The following DLGAP2 variants were observed in gnomAD, a reference collection of about 807,000 sequenced individuals.
DLGAP2 encodes the protein disks large-associated protein 2.
A neutral mutation model predicts 100.3 loss-of-function variants in DLGAP2; 26 were observed. The ratio of observed to expected loss-of-function variants is 0.26; its 90% CI spans 0.19 to 0.36. The LOEUF (loss-of-function observed/expected upper bound fraction) is 0.36. Ranked by LOEUF, DLGAP2 falls within the 10% of genes least tolerant of loss-of-function variation. The pLI is 1.00. For missense variants in DLGAP2, 1,858 were observed against 1,453.2 expected (o/e 1.28, Z -4.53); for synonymous variants, 886 against 630.1 (o/e 1.41, Z -6.08).
chr8:1,030,439 T>C (rs964832761), intron 2 of DLGAP2, among the ~76,000 whole-genome samples: 2 of 152,174 alleles, frequency 1.3e-5, no homozygotes, highest in East Asian at 3.8e-4. Flanking sequence ...AATCCAAAGG[T>C]GCCTGGGCTG....
At chr8:1,575,021 A>G (rs1428735657) in intron 6 of DLGAP2, among the ~76,000 whole-genome samples, 1 of 151,406 alleles carries the variant, frequency 6.6e-6, no homozygotes, top group African/African-American at 2.5e-5. Flanking sequence ...AGGGACAGAG[A>G]GAGGCAAGCG....
Position 928,965 on chromosome 8 carries a change from A to G in DLGAP2, c.73+20999A>G, listed in dbSNP as rs867566764. 3.0e-3 allele frequency among the ~76,000 whole-genome samples: 361 copies of G among 118,900 alleles called. 4 individuals are homozygous for G. The highest frequency in any genetic ancestry group is 0.011 in the African/African-American group (346 of 31,108). The allele number at this position is 118,900 out of a possible 152,430, so 78.0% of individuals were successfully genotyped here. A position where few individuals can be genotyped will look rare whatever the true frequency, so the allele number is the denominator to read the frequency against. On this transcript the variant is annotated intron_variant, in intron 2 of 14. Transcript: ENST00000637795. ...TCAAGGTTTCTCTGGAAAGATGAAG[A>G]CCCCCCCCGCCATTCCCACTCTAAA...
intron 2 of DLGAP2, among the ~76,000 whole-genome samples, chr8:930,576 C>A (rs1798932060): frequency 6.6e-6 from 1 of 152,222 alleles, no homozygotes. Flanking sequence ...GTGGAGGAAA[C>A]CTGCAAAGAC....
At chr8:1,446,878 A>G (rs1194881777) in intron 3 of DLGAP2, among the ~76,000 whole-genome samples, 1 of 152,128 alleles carries the variant, frequency 6.6e-6, no homozygotes, top group Admixed American at 6.6e-5. Flanking sequence ...TTCACTCATG[A>G]TTTGGCTCTC....
intron 12 of DLGAP2, among the ~76,000 whole-genome samples, chr8:1,681,971 G>C (rs1156582528): frequency 7.1e-6 from 1 of 140,712 alleles, no homozygotes; most frequent in African/African-American, 3.2e-5. Context: ...GGGACTGGGA[G>C]TCACGGCCCT....
intron 2 of DLGAP2, among the ~76,000 whole-genome samples, chr8:946,791 C>T (rs1004709349): frequency 3.3e-4 from 50 of 152,336 alleles, no homozygotes; most frequent in African/African-American, 1.1e-3. Flanking sequence ...GAGCCCTTCT[C>T]ATTACAAAAG....
At chr8:861,590 A>G (rs796683373) in intron 1 of DLGAP2, among the ~76,000 whole-genome samples, 14 of 152,368 alleles carry the variant, frequency 9.2e-5, no homozygotes, top group African/African-American at 3.1e-4. Context: ...TTTTATTTTA[A>G]CAGCGCTTTT....
chr8:953,496 T>A (rs1799529847), intron 2 of DLGAP2, among the ~76,000 whole-genome samples: 1 of 152,346 alleles, frequency 6.6e-6, no homozygotes, highest in East Asian at 1.9e-4. Flanking sequence ...CTGGCCCAAA[T>A]TTTTAAATTT....
chr8:1,468,418 TG>T (rs1470721855), intron 3 of DLGAP2, among the ~76,000 whole-genome samples: 10 of 150,884 alleles, frequency 6.6e-5, no homozygotes, highest in Non-Finnish European at 1.2e-4. Flanking sequence ...GGATCCGGGC[TG>T]GTCCTGAGTC....
At chr8:849,219 G>C (rs968229695) in intron 1 of DLGAP2, among the ~76,000 whole-genome samples, 9 of 152,152 alleles carry the variant, frequency 5.9e-5, no homozygotes, top group African/African-American at 2.2e-4. Context: ...ATAGGAACAC[G>C]TGGTGTGTGT....
intron 3 of DLGAP2, among the ~76,000 whole-genome samples, chr8:1,489,341 G>A (rs1799312182): frequency 1.3e-5 from 2 of 152,202 alleles, no homozygotes; most frequent in Admixed American, 1.3e-4. Flanking sequence ...ACCGGTGACT[G>A]GCGGAGTGGA....
intron 1 of DLGAP2, among the ~76,000 whole-genome samples, chr8:777,398 G>A (rs1327014717): frequency 6.6e-6 from 1 of 151,768 alleles, no homozygotes; most frequent in Non-Finnish European, 1.5e-5. Context: ...TCATCATGAT[G>A]TTAGCTGTTT....
At chr8:896,664 G>A (rs1160564484) in intron 1 of DLGAP2, among the ~76,000 whole-genome samples, 2 of 152,098 alleles carry the variant, frequency 1.3e-5, no homozygotes, top group Non-Finnish European at 2.9e-5. Context: ...AAGAGACCAA[G>A]TACTGTCTTC....
At chr8:1,216,437 C>A (rs1460172655) in intron 2 of DLGAP2, among the ~76,000 whole-genome samples, 1 of 151,930 alleles carries the variant, frequency 6.6e-6, no homozygotes, top group East Asian at 1.9e-4. Context: ...TAGCCTTGAA[C>A]TCCTGGGCTC....
intron 2 of DLGAP2, among the ~76,000 whole-genome samples, chr8:999,693 A>C (rs762397882): frequency 1.3e-5 from 2 of 151,930 alleles, no homozygotes; most frequent in African/African-American, 4.8e-5. Context: ...GTTTGCCAGG[A>C]TGGTCTCAAT....
chr8:1,177,203 G>A (rs1797279156), intron 2 of DLGAP2, among the ~76,000 whole-genome samples: 1 of 152,126 alleles, frequency 6.6e-6, no homozygotes, highest in Admixed American at 6.5e-5. Context: ...ATCTTTTCTT[G>A]CAGTTCAGCT....
intron 3 of DLGAP2, among the ~76,000 whole-genome samples, chr8:1,287,190 A>C (rs1158810836): frequency 1.0e-5 from 1 of 97,938 alleles, no homozygotes; most frequent in East Asian, 3.0e-4. Context: ...TAGGAGGGGA[A>C]CTAGTTTTGG....
intron 1 of DLGAP2, among the ~76,000 whole-genome samples, chr8:791,509 T>C (rs574618517): frequency 6.6e-6 from 1 of 152,242 alleles, no homozygotes; most frequent in Non-Finnish European, 1.5e-5. Context: ...CTAATAAGTC[T>C]CTGGTGTCTC....
intron 1 of DLGAP2, among the ~76,000 whole-genome samples, chr8:901,000 G>C (rs983382414): frequency 5.3e-5 from 8 of 152,230 alleles, no homozygotes; most frequent in Non-Finnish European, 1.2e-4. Flanking sequence ...TAAAAGACAA[G>C]TCGGGGTAGG....
Sources: gnomAD v4.1 joint callset for allele counts (sites outside exome capture counted in the v4.1 genomes callset) on GRCh38, gnomAD v4.1.1 for gene constraint, MANE v1.5 for transcripts, NCBI Gene and HGNC (gene_info 2026-07-23, HGNC 2026-07-21) for gene names.